The following FNDC3B variants were observed in gnomAD, a reference collection of about 807,000 sequenced individuals.
FNDC3B encodes the protein fibronectin type III domain-containing protein 3B.
A neutral mutation model predicts 151.5 loss-of-function variants in FNDC3B; 12 were observed. That is an observed-to-expected ratio of 0.08 (90% CI 0.05 to 0.13). The LOEUF (loss-of-function observed/expected upper bound fraction) is 0.13. Ranked by LOEUF, FNDC3B falls within the 10% of genes least tolerant of loss-of-function variation. FNDC3B has a pLI of 1.00. For missense variants in FNDC3B, 1,214 were observed against 1,505.3 expected (o/e 0.81, Z 3.20); for synonymous variants, 528 against 549.0 (o/e 0.96, Z 0.54).
intron 6 of FNDC3B, among the ~76,000 whole-genome samples, chr3:172,265,402 A>G (rs1386436271): frequency 6.6e-6 from 1 of 152,108 alleles, no homozygotes; most frequent in Non-Finnish European, 1.5e-5. Context: ...TTTTTTGCAA[A>G]TAGATATTAA....
intron 3 of FNDC3B, among the ~76,000 whole-genome samples, chr3:172,169,283 G>A (rs1276479198): frequency 6.6e-6 from 1 of 152,218 alleles, no homozygotes; most frequent in Non-Finnish European, 1.5e-5. Flanking sequence ...AGCAAGTGAA[G>A]GGGTTGCCTG....
intron 10 of FNDC3B, among the ~76,000 whole-genome samples, chr3:172,310,603 A>G (rs1303446518): frequency 6.6e-6 from 1 of 152,148 alleles, no homozygotes; most frequent in African/African-American, 2.4e-5. Context: ...AGGTTTGGCT[A>G]TTTGTGGAGT....
intron 4 of FNDC3B, among the ~76,000 whole-genome samples, chr3:172,239,873 T>G (rs1414536522): frequency 2.4e-5 from 3 of 124,834 alleles, no homozygotes; most frequent in African/African-American, 6.2e-5. Context: ...TTTTTTTTTT[T>G]TTTTTTTTTT....
intron 8 of FNDC3B, among the ~76,000 whole-genome samples, chr3:172,296,803 C>G (rs1730634748): frequency 6.6e-6 from 1 of 152,152 alleles, no homozygotes; most frequent in South Asian, 2.1e-4. Context: ...CCTTGTCAGC[C>G]ACATGCAGAC....
intron 1 of FNDC3B, among the ~76,000 whole-genome samples, chr3:172,064,305 G>A (rs1284868952): frequency 6.6e-6 from 1 of 152,138 alleles, no homozygotes; most frequent in African/African-American, 2.4e-5. Flanking sequence ...CCCGAGAACT[G>A]TAAGAAATGA....
intron 10 of FNDC3B, among the ~76,000 whole-genome samples, chr3:172,309,133 T>C (rs935351510): frequency 1.3e-5 from 2 of 152,228 alleles, no homozygotes; most frequent in African/African-American, 4.8e-5. Context: ...CATTCAGTCA[T>C]GTACAAACTT....
At chr3:172,349,899 A>G (rs981665085) in intron 21 of FNDC3B, among the ~76,000 whole-genome samples, 2 of 151,568 alleles carry the variant, frequency 1.3e-5, no homozygotes, top group African/African-American at 2.4e-5. Flanking sequence ...CAGATGATCC[A>G]CCCGCCTCAG....
At chr3:172,261,632 A>AT (rs1259094500) in intron 6 of FNDC3B, among the ~76,000 whole-genome samples, 1 of 152,234 alleles carries the variant, frequency 6.6e-6, no homozygotes, top group Non-Finnish European at 1.5e-5. Flanking sequence ...AATTGAGTAG[A>AT]TAACACAAGT....
At chr3:172,377,214 G>A (rs996290774) in intron 23 of FNDC3B, among the ~76,000 whole-genome samples, 1 of 152,212 alleles carries the variant, frequency 6.6e-6, no homozygotes, top group Non-Finnish European at 1.5e-5. Context: ...ATTGTCCTCA[G>A]ATGCTGTGAC....
chr3:172,296,703 G>A (rs1730624115), intron 8 of FNDC3B, among the ~76,000 whole-genome samples: 1 of 137,154 alleles, frequency 7.3e-6, no homozygotes, highest in Non-Finnish European at 1.6e-5. Flanking sequence ...AATACAGAGT[G>A]CCATGTCCCC....
chr3:172,380,468 C>T (rs1425307828), intron 24 of FNDC3B, among the ~76,000 whole-genome samples: 1 of 152,174 alleles, frequency 6.6e-6, no homozygotes, highest in African/African-American at 2.4e-5. Context: ...TCCTTAGACC[C>T]TCACCCAGGT....
At chr3:172,348,950 C>T (rs1733731087) in intron 21 of FNDC3B, among the ~76,000 whole-genome samples, 1 of 152,098 alleles carries the variant, frequency 6.6e-6, no homozygotes, top group Non-Finnish European at 1.5e-5. Context: ...AACATGATTA[C>T]AAAGTCAAGT....
chr3:172,268,070 T>C (rs1268616681), intron 6 of FNDC3B, among the ~76,000 whole-genome samples: 1 of 152,236 alleles, frequency 6.6e-6, no homozygotes, highest in Admixed American at 6.5e-5. Flanking sequence ...CTTAGATTTC[T>C]TTTTTCACCC....
intron 5 of FNDC3B, among the ~76,000 whole-genome samples, chr3:172,250,030 C>T (rs1355024585): frequency 6.6e-6 from 1 of 152,106 alleles, no homozygotes; most frequent in African/African-American, 2.4e-5. Flanking sequence ...TATATTGTCA[C>T]TCCATAGAAG....
intron 5 of FNDC3B, among the ~76,000 whole-genome samples, 167 bp from the exon 6 acceptor site, chr3:172,251,093 G>A (rs11707510): frequency 2.6e-5 from 4 of 152,084 alleles, no homozygotes; most frequent in African/African-American, 4.8e-5. Context: ...GTGAGCCACT[G>A]TGCCCAGCAG....
chr3:172,129,726 C>T (rs922293771), intron 2 of FNDC3B, among the ~76,000 whole-genome samples: 1 of 152,152 alleles, frequency 6.6e-6, no homozygotes, highest in Non-Finnish European at 1.5e-5. Flanking sequence ...GCAATAGTAG[C>T]TTAGAGGATG....
rs116461058 is a variant in FNDC3B, at chr3:172,319,398, C to T, written c.1254+8517C>T. Among the ~76,000 whole-genome samples the T allele has an allele frequency of 8.7e-3, 1,319 of 152,218 alleles. 20 individuals are homozygous for T. The highest frequency in any genetic ancestry group is 0.031 in the African/African-American group (1,270 of 41,496). The stretch of plus-strand genomic sequence containing the variant: ...ATGAACCTCAATATTTGGAGAAATA[C>T]ATAGGAAAATTTTCTTTGTGTGTTT... On this transcript the variant is annotated intron_variant, in intron 11 of 25. Coordinates refer to ENST00000415807, the MANE Select transcript of FNDC3B (RefSeq NM_022763.4).
At chr3:172,310,906 A>G (rs200509267) in intron 11 of FNDC3B, 25 bp downstream of exon 11, 10 of 1,545,352 alleles carry the variant, frequency 6.5e-6, no homozygotes, top group South Asian at 3.3e-5. Flanking sequence ...ATATTCACCC[A>G]TCTAAAACAC....
At chr3:172,291,488 A>G (rs991572847) in intron 7 of FNDC3B, among the ~76,000 whole-genome samples, 2 of 152,202 alleles carry the variant, frequency 1.3e-5, no homozygotes, top group African/African-American at 4.8e-5. Flanking sequence ...GTATGTGACC[A>G]CTTAGTAGTA....
Sources: allele counts gnomAD v4.1 joint callset (sites outside exome capture counted in the v4.1 genomes callset), GRCh38; gene constraint gnomAD v4.1.1; transcripts MANE v1.5; gene names NCBI Gene and HGNC (gene_info 2026-07-23, HGNC 2026-07-21).